Variants in PNPLA8 observed in about 807,000 individuals in gnomAD.
The protein encoded by PNPLA8 is calcium-independent phospholipase A2-gamma.
Under a neutral mutation model 76.9 loss-of-function variants are expected in PNPLA8, and 39 were observed. The ratio of observed to expected loss-of-function variants is 0.51; its 90% confidence interval spans 0.39 to 0.66. The LOEUF (loss-of-function observed/expected upper bound fraction) is 0.66, where lower values mean the gene tolerates loss of function less well. Ranked by LOEUF, PNPLA8 falls within the 30% of genes least tolerant of loss-of-function variation. PNPLA8 has a pLI of 0.00. For missense variants in PNPLA8, 887 were observed against 918.0 expected, an observed-to-expected ratio of 0.97 and a Z score of 0.44; for synonymous variants, 301 against 307.9, an observed-to-expected ratio of 0.98 and a Z score of 0.24.
In PNPLA8 at chr7:108,502,593, G is replaced by C; in HGVS notation, c.1256C>G (p.Thr419Ser). ...AATTTCTCTAACTGCAGCCTGAAGA[G>C]TTTCATCCTTAATTTGTCTCAGTCG... ...LLRLRQIKDE[T>S]LQAAVREILA... Residue 419 changes from threonine (T) to serine (S), a missense_variant, in exon 5 of 11, where the codon ACT becomes AGT. Physicochemically the swap from Thr to Ser is moderately conservative, Grantham distance 58 (BLOSUM62 1). Coordinates refer to ENST00000257694, the MANE Select transcript of PNPLA8 (RefSeq NM_001256007.3). 1.2e-6 allele frequency: 2 copies of C among 1,611,176 alleles called. No homozygotes were observed.
intron 7 of PNPLA8, 196 bp downstream of exon 7, chr7:108,496,388 C>T (rs1861549164): frequency 4.8e-6 from 2 of 420,632 alleles, no homozygotes; most frequent in South Asian, 4.8e-5. Context: ...CACAAACCCC[C>T]CAAAACAATT....
chr7:108,517,161 C>T (rs1336067847), intron 2 of PNPLA8, among the ~76,000 whole-genome samples: 1 of 152,156 alleles, frequency 6.6e-6, no homozygotes, highest in East Asian at 1.9e-4. Flanking sequence ...AGAAGTTGTA[C>T]CACATCATAT....
intron 10 of PNPLA8, among the ~76,000 whole-genome samples, chr7:108,476,179 T>C (rs573013417): frequency 5.6e-4 from 86 of 152,344 alleles, no homozygotes; most frequent in Middle Eastern, 6.8e-3. Context: ...ATAACAGCAA[T>C]TCTTGTTATA....
In PNPLA8 at chr7:108,479,110, G is replaced by A. The variant is rs1429003387; in HGVS notation, c.2074+74C>T. 3.1e-6 allele frequency: 3 copies of A among 976,298 alleles called. No homozygotes were observed. The African/African-American group carries it at 4.8e-5, about 16-fold the overall frequency. The allele number at this position is 976,298 out of a possible 1,614,324, so 60.5% of individuals were successfully genotyped here. A position where few individuals can be genotyped will look rare whatever the true frequency, so the allele number is the denominator to read the frequency against. The stretch of plus-strand genomic sequence containing the variant: ...ACATATCATATGCCTTTGCAGTTAG[G>A]ACCAACAAATGCCACCAAAAAACTG... On this transcript the variant is annotated intron_variant, in intron 10 of 10. Coordinates refer to ENST00000257694, the MANE Select transcript of PNPLA8 (RefSeq NM_001256007.3).
At chr7:108,490,827 T>G (rs762878699) in intron 8 of PNPLA8, among the ~76,000 whole-genome samples, 1 of 152,138 alleles carries the variant, frequency 6.6e-6, no homozygotes, top group Admixed American at 6.5e-5. Context: ...TAATGTTCCT[T>G]AAATCACTAG....
At chr7:108,500,019 T>C (rs2154515793) in intron 5 of PNPLA8, among the ~76,000 whole-genome samples, 1 of 152,340 alleles carries the variant, frequency 6.6e-6, no homozygotes, top group East Asian at 1.9e-4. Context: ...GCTTTATTTT[T>C]CTTCATAGCA....
rs1299974676 is a variant in PNPLA8 at position 108,514,419 on chromosome 7, C to T, written c.1056+17G>A. 2 of 1,586,098 alleles carry T rather than the reference C, an allele frequency of 1.3e-6. No homozygotes were observed. Among genetic ancestry groups the T allele is most frequent in the South Asian group, 1.1e-5 (1 of 87,648 alleles). ...GACAAAAAGTAATAGAACCGAAAAG[C>T]ACACTGAACAACTTGCCTTTTCTCG... On this transcript the variant is annotated intron_variant, in intron 3 of 10. Coordinates refer to ENST00000257694, the MANE Select transcript of PNPLA8 (RefSeq NM_001256007.3).
chr7:108,493,053 G>C (rs1328463140), intron 7 of PNPLA8, among the ~76,000 whole-genome samples: 1 of 152,144 alleles, frequency 6.6e-6, no homozygotes, highest in Non-Finnish European at 1.5e-5. Flanking sequence ...AGTGAGCTCC[G>C]GCAAGAACAG....
At chr7:108,501,470 T>C (rs1487743773) in intron 5 of PNPLA8, among the ~76,000 whole-genome samples, 5 of 152,224 alleles carry the variant, frequency 3.3e-5, no homozygotes, top group Admixed American at 6.5e-5. Context: ...TATAGCCTCA[T>C]TTTGTAACCA....
At chr7:108,511,667 G>C (rs1384707209) in intron 4 of PNPLA8, among the ~76,000 whole-genome samples, 1 of 152,180 alleles carries the variant, frequency 6.6e-6, no homozygotes, top group Admixed American at 6.5e-5. Context: ...TATATTTTAA[G>C]TGACTTGGAG....
chr7:108,504,164 T>A (rs899518498), intron 4 of PNPLA8, among the ~76,000 whole-genome samples: 2 of 152,142 alleles, frequency 1.3e-5, no homozygotes, highest in Non-Finnish European at 2.9e-5. Context: ...TCCACTCAAA[T>A]GCCAAACAGA....
chr7:108,470,715 A>C lies in PNPLA8; in HGVS notation c.*1686T>G, dbSNP rs1319147138. 2.0e-5 allele frequency: 3 copies of C among 152,190 alleles called. No individual in the cohort carries two copies. The highest frequency in any genetic ancestry group is 4.4e-5 in the Non-Finnish European group (3 of 68,012). 9.4% of individuals were successfully genotyped at this position (152,190 alleles called of 1,614,324 possible). A position where few individuals can be genotyped will look rare whatever the true frequency, so the allele number is the denominator to read the frequency against. The stretch of plus-strand genomic sequence containing the variant: ...ATTATTTGTGGTCTGAAAGAACTAT[A>C]TTATCTTTAGAAATCATTGGTAGTT... On this transcript the variant is annotated 3_prime_UTR_variant, in exon 11 of 11. Transcript: ENST00000257694.
chr7:108,514,316 T>C (rs1554688447), intron 3 of PNPLA8, 23 bp from the exon 4 acceptor site: 15 of 1,589,750 alleles, frequency 9.4e-6, no homozygotes, highest in South Asian at 8.0e-5. Flanking sequence ...ATTAAATAGA[T>C]ATGATTAGAA....
intron 5 of PNPLA8, among the ~76,000 whole-genome samples, chr7:108,501,185 T>C (rs901099117): frequency 2.0e-5 from 3 of 152,090 alleles, no homozygotes; most frequent in African/African-American, 7.2e-5. Flanking sequence ...GCATGTACTA[T>C]GAATTACAAG....
rs1863736032 is a variant in PNPLA8, at chr7:108,521,538, C to T, written c.-129-17G>A. On this transcript the variant is annotated splice_polypyrimidine_tract_variant and intron_variant, in intron 1 of 10. Transcript: ENST00000257694. Reference sequence around the variant, plus strand: ...GAAGACAATCTATTGAGAAATAAAACAAATAATAAACGTAATGTATAAAGT... The same window carrying T: ...GAAGACAATCTATTGAGAAATAAAATAAATAATAAACGTAATGTATAAAGT... 3.2e-6 allele frequency: 2 copies of T among 634,040 alleles called. No individual in the cohort carries two copies. The highest frequency in any genetic ancestry group is 3.9e-6 in the Non-Finnish European group (2 of 514,550). The allele number at this position is 634,040 out of a possible 1,614,324, so 39.3% of individuals were successfully genotyped here. A position where few individuals can be genotyped will look rare whatever the true frequency, so the allele number is the denominator to read the frequency against.
Position 108,525,948 on chromosome 7 carries a change from C to G in PNPLA8, c.-130+81G>C, listed in dbSNP as rs1003248564. The G allele has an allele frequency of 4.9e-6, 3 of 607,380 alleles. No individual in the cohort carries two copies. The East Asian group carries it at 4.2e-4, about 86-fold the overall frequency. 37.6% of individuals were successfully genotyped at this position (607,380 alleles called of 1,614,324 possible). ...AAGTGCCCTCCAAAGAAAGAAAGGACGACCCGGAGCGCCGGACAAGGGTCC... is the reference window on the plus strand; with the variant it reads ...AAGTGCCCTCCAAAGAAAGAAAGGAGGACCCGGAGCGCCGGACAAGGGTCC... On this transcript the variant is annotated intron_variant, in intron 1 of 10. Coordinates refer to ENST00000257694, the MANE Select transcript of PNPLA8 (RefSeq NM_001256007.3).
At chr7:108,489,672 G>T (rs1354336278) in intron 8 of PNPLA8, among the ~76,000 whole-genome samples, 1 of 152,150 alleles carries the variant, frequency 6.6e-6, no homozygotes, top group Non-Finnish European at 1.5e-5. Flanking sequence ...AGCAGTGGGT[G>T]TATAATTAAT....
At chr7:108,515,963 A>C (rs1207840983) in intron 2 of PNPLA8, among the ~76,000 whole-genome samples, 1 of 152,242 alleles carries the variant, frequency 6.6e-6, no homozygotes, top group Non-Finnish European at 1.5e-5. Flanking sequence ...GAAAAAGGTC[A>C]GGTCTTATAC....
upstream of PNPLA8, among the ~76,000 whole-genome samples, chr7:108,527,036 T>C (rs1329351006): frequency 1.3e-5 from 2 of 152,238 alleles, no homozygotes; most frequent in Non-Finnish European, 2.9e-5. Flanking sequence ...GTAGTTGCAA[T>C]AGCCCCTTAC....
Sources: gnomAD v4.1 joint callset for allele counts (sites outside exome capture counted in the v4.1 genomes callset) on GRCh38, gnomAD v4.1.1 for gene constraint, MANE v1.5 for transcripts, NCBI Gene and HGNC (gene_info 2026-07-23, HGNC 2026-07-21) for gene names.